The following WDR27 variants were observed in gnomAD, a reference collection of about 807,000 sequenced individuals.
WDR27 encodes the protein WD repeat domain 27.
WDR27 carries 100 observed loss-of-function variants against 114.4 expected under a neutral mutation model. The observed-to-expected ratio is 0.87, with a 90% CI of 0.74 to 1.03. The LOEUF (loss-of-function observed/expected upper bound fraction) is 1.03. WDR27 is among the 50% of genes least tolerant of loss of function. The probability of loss-of-function intolerance (pLI) is 0.00; values close to 1 mark genes in which losing one functional copy is unlikely to be tolerated. For synonymous variants in WDR27, 449 were observed against 423.1 expected (o/e 1.06, Z -0.75); for missense variants, 1,129 against 1,092.9 (o/e 1.03, Z -0.47).
chr6:169,536,501 T>A lies in WDR27; in HGVS notation c.2645+35918A>T, dbSNP rs1400101523. Among the ~76,000 whole-genome samples, 16 of 152,282 alleles carry A rather than the reference T, an allele frequency of 1.1e-4. No individual in the cohort carries two copies. In the East Asian group the frequency reaches 2.9e-3, roughly 28 times the overall value. On this transcript the variant is annotated intron_variant, in intron 25 of 25. Transcript: ENST00000448612. Reference sequence around the variant, plus strand: ...TCTCCCACTTAAAGTGCAGAACTAATGAAACTGGTCTTATTCTGACACGGA... The same window carrying A: ...TCTCCCACTTAAAGTGCAGAACTAAAGAAACTGGTCTTATTCTGACACGGA...
chr6:169,458,781 T>A, intron 25 of WDR27, among the ~76,000 whole-genome samples: 1 of 145,828 alleles, frequency 6.9e-6, no homozygotes, highest in African/African-American at 2.6e-5. Flanking sequence ...AGCAAGACCC[T>A]GTCTCAAAAA....
chr6:169,583,458 TTTAA>T (rs1456804244), intron 23 of WDR27, among the ~76,000 whole-genome samples: 4 of 147,186 alleles, frequency 2.7e-5, no homozygotes, highest in Admixed American at 6.9e-5. Flanking sequence ...TAAGTTCCTC[TTTAA>T]TTGTGTGTGT....
chr6:169,665,573 C>A lies in WDR27; in HGVS notation c.713-17G>T, dbSNP rs747266542. 6.2e-7 allele frequency: 1 copy of A among 1,609,514 alleles called. No homozygotes were observed. The highest frequency in any genetic ancestry group is 1.1e-5 in the South Asian group (1 of 90,424). ...GAGGATATGCTGGTGAAAGGAACAT[C>A]GGAAAATTTAGCTTTGTAAGTGCCT... is the stretch of plus-strand genomic sequence containing the variant. On this transcript the variant is annotated splice_polypyrimidine_tract_variant and intron_variant, in intron 6 of 25. Transcript: ENST00000448612.
chr6:169,531,349 A>G (rs886173382), intron 25 of WDR27, among the ~76,000 whole-genome samples: 9 of 152,208 alleles, frequency 5.9e-5, no homozygotes, highest in African/African-American at 2.2e-4. Context: ...TGCCTTTCAA[A>G]ACCAAAGACA....
the WDR27 span, among the ~76,000 whole-genome samples, chr6:169,427,559 T>G: frequency 6.6e-6 from 1 of 152,130 alleles, no homozygotes; most frequent in Admixed American, 6.5e-5. Flanking sequence ...GCAGAGGACT[T>G]GGGTGAACTC....
At chr6:169,663,722 G>C (rs938537164) in intron 8 of WDR27, 9 of 172,624 alleles carry the variant, frequency 5.2e-5, no homozygotes, top group Admixed American at 4.6e-4. Flanking sequence ...ATGCGCAGGA[G>C]ACCAGGTGAG....
At chr6:169,543,394 C>T (rs1287747239) in intron 25 of WDR27, among the ~76,000 whole-genome samples, 1 of 152,070 alleles carries the variant, frequency 6.6e-6, no homozygotes, top group African/African-American at 2.4e-5. Context: ...ATACCCCCTT[C>T]ATACTCTTAA....
At position 169,670,782 on chromosome 6, in the gene WDR27, A is replaced by G. The variant is rs542518445; in HGVS notation, c.332-89T>C. 4.7e-6 allele frequency: 7 copies of G among 1,483,540 alleles called. No homozygotes were observed. In the African/African-American group the frequency reaches 8.3e-5, roughly 18 times the overall value. 91.9% of individuals were successfully genotyped at this position (1,483,540 alleles called of 1,614,324 possible). A position where few individuals can be genotyped will look rare whatever the true frequency, so the allele number is the denominator to read the frequency against. ...AAAAGTACTGAGAATGTAACCCTCT[A>G]TTCTAAAATTACTGAGAGAATGACA... On this transcript the variant is annotated intron_variant, in intron 3 of 25. Transcript: ENST00000448612.
chr6:169,448,078 G>A, the WDR27 span, among the ~76,000 whole-genome samples: 2 of 152,090 alleles, frequency 1.3e-5, no homozygotes, highest in South Asian at 2.1e-4. Flanking sequence ...TAATGTTGAA[G>A]TGCATAAGAT....
At chr6:169,503,651 G>C (rs979881398) in intron 25 of WDR27, among the ~76,000 whole-genome samples, 1 of 152,150 alleles carries the variant, frequency 6.6e-6, no homozygotes, top group Non-Finnish European at 1.5e-5. Flanking sequence ...CATGTTTTGG[G>C]AACTTTTCAG....
chr6:169,573,168 C>T (rs1256936203), intron 24 of WDR27, among the ~76,000 whole-genome samples: 1 of 152,124 alleles, frequency 6.6e-6, no homozygotes, highest in Non-Finnish European at 1.5e-5. Flanking sequence ...TTCACTGAAA[C>T]TCTCCGAGAA....
intron 15 of WDR27, 30 bp from the exon 16 acceptor site, chr6:169,647,900 G>A (rs765554441): frequency 1.4e-5 from 21 of 1,462,806 alleles, no homozygotes; most frequent in East Asian, 2.5e-5. Flanking sequence ...AACGGTGATC[G>A]GGAGACATTC....
At chr6:169,606,598 A>T (rs1809240792) in intron 22 of WDR27, among the ~76,000 whole-genome samples, 1 of 152,178 alleles carries the variant, frequency 6.6e-6, no homozygotes, top group Non-Finnish European at 1.5e-5. Context: ...TTTGCTGAGG[A>T]TAATGGCTTC....
At chr6:169,494,270 A>C (rs895077727) in intron 25 of WDR27, among the ~76,000 whole-genome samples, 2 of 152,116 alleles carry the variant, frequency 1.3e-5, no homozygotes, top group African/African-American at 4.8e-5. Flanking sequence ...GCCTGAATAG[A>C]ACAAAAAGGC....
intron 1 of WDR27, among the ~76,000 whole-genome samples, chr6:169,697,469 T>C (rs1786475995): frequency 6.6e-6 from 1 of 152,164 alleles, no homozygotes; most frequent in African/African-American, 2.4e-5. Context: ...AAGACTCTAC[T>C]CCTCTACCTC....
intron 16 of WDR27, among the ~76,000 whole-genome samples, chr6:169,645,489 G>A (rs1437299755): frequency 6.6e-6 from 1 of 150,782 alleles, no homozygotes; most frequent in Non-Finnish European, 1.5e-5. Context: ...GAGTCTCACT[G>A]TAGAAAAGCC....
intron 25 of WDR27, among the ~76,000 whole-genome samples, chr6:169,481,014 T>G (rs1251101441): frequency 6.6e-6 from 1 of 152,088 alleles, no homozygotes; most frequent in Non-Finnish European, 1.5e-5. Context: ...CAGCACTCTG[T>G]CTAGCTAAAT....
intron 24 of WDR27, among the ~76,000 whole-genome samples, chr6:169,575,755 G>A (rs1802230863): frequency 6.6e-6 from 1 of 152,124 alleles, no homozygotes; most frequent in Admixed American, 6.5e-5. Flanking sequence ...TAAAACAAAA[G>A]CTTGAGTCAC....
intron 25 of WDR27, among the ~76,000 whole-genome samples, chr6:169,546,707 A>G (rs1562562191): frequency 6.6e-6 from 1 of 152,176 alleles, no homozygotes; most frequent in Non-Finnish European, 1.5e-5. Flanking sequence ...CATGGATGCA[A>G]TGGTCAAGGA....
Sources: gnomAD v4.1 joint callset for allele counts (sites outside exome capture counted in the v4.1 genomes callset) on GRCh38, gnomAD v4.1.1 for gene constraint, MANE v1.5 for transcripts, NCBI Gene and HGNC (gene_info 2026-07-23, HGNC 2026-07-21) for gene names.